INTS9: variants seen among roughly 807,000 people sequenced by gnomAD.
INTS9 encodes protein related to CPSF subunits of 74 kDa.
INTS9 carries 55 observed loss-of-function variants against 79.7 expected under a neutral mutation model. The observed-to-expected ratio is 0.69, with a 90% CI of 0.56 to 0.86. INTS9 has a LOEUF of 0.86. Ranked by LOEUF, INTS9 falls within the 40% of genes least tolerant of loss-of-function variation. INTS9 has a pLI of 0.00. For synonymous variants in INTS9, 319 were observed against 325.2 expected (o/e 0.98, Z 0.20); for missense variants, 721 against 831.5 (o/e 0.87, Z 1.64).
At chr8:28,813,435 A>C in intron 7 of INTS9, 57 bp downstream of exon 7, 1 of 1,547,466 alleles carries the variant, frequency 6.5e-7, no homozygotes, top group South Asian at 1.1e-5. Context: ...CAAACAACAA[A>C]CAACAATATG....
chr8:28,870,319 A>T (rs1407822976), intron 1 of INTS9, among the ~76,000 whole-genome samples: 1,097 of 111,870 alleles, frequency 9.8e-3, no homozygotes, highest in Admixed American at 0.012. Flanking sequence ...AACATTAACC[A>T]TTTTTTTTTT....
chr8:28,877,744 G>A (rs746868589), intron 1 of INTS9, among the ~76,000 whole-genome samples: 22 of 152,106 alleles, frequency 1.4e-4, no homozygotes, highest in Non-Finnish European at 2.6e-4. Context: ...GTATTTTTGA[G>A]ATATATTGAC....
At position 28,796,777 on chromosome 8, in the gene INTS9, A is replaced by G. The variant is rs1804242624; in HGVS notation, c.745-122T>C. 34 of 696,918 alleles carry G rather than the reference A, an allele frequency of 4.9e-5. No individual in the cohort carries two copies. The East Asian group carries it at 8.8e-4, about 18-fold the overall frequency. 43.2% of individuals were successfully genotyped at this position (696,918 alleles called of 1,614,324 possible). On this transcript the variant is annotated intron_variant, in intron 8 of 16. Transcript: ENST00000521022. ...GTTTAACCCATCATCGAGTTCTCTT[A>G]TGTTCTCTAAGGAATAGTCTGTCCT...
At chr8:28,826,942 T>C (rs1806182225) in intron 6 of INTS9, among the ~76,000 whole-genome samples, 1 of 152,212 alleles carries the variant, frequency 6.6e-6, no homozygotes, top group African/African-American at 2.4e-5. Flanking sequence ...TTTGCTGACA[T>C]CCTCTTTTAT....
intron 6 of INTS9, among the ~76,000 whole-genome samples, chr8:28,823,977 T>C (rs1428695948): frequency 6.6e-6 from 1 of 152,210 alleles, no homozygotes; most frequent in Admixed American, 6.5e-5. Flanking sequence ...CATAAACAGA[T>C]ACATGAAGAT....
intron 1 of INTS9, among the ~76,000 whole-genome samples, chr8:28,876,742 G>A (rs1809414196): frequency 6.6e-6 from 1 of 151,964 alleles, no homozygotes; most frequent in Non-Finnish European, 1.5e-5. Flanking sequence ...GAATCAACTG[G>A]AAAGGGTATT....
At chr8:28,791,021 G>C (rs76472056) in intron 10 of INTS9, among the ~76,000 whole-genome samples, 93 of 152,290 alleles carry the variant, frequency 6.1e-4, no homozygotes, top group African/African-American at 1.8e-3. Flanking sequence ...ACTAGAAATT[G>C]TGGTGTCAAT....
chr8:28,857,000 C>T (rs368822061), intron 2 of INTS9, among the ~76,000 whole-genome samples: 1 of 152,138 alleles, frequency 6.6e-6, no homozygotes, highest in East Asian at 1.9e-4. Flanking sequence ...TGTTAATTCA[C>T]CAAGAATAAT....
At chr8:28,790,446 G>C (rs1367152882) in intron 10 of INTS9, among the ~76,000 whole-genome samples, 1 of 152,152 alleles carries the variant, frequency 6.6e-6, no homozygotes, top group Admixed American at 6.5e-5. Context: ...TCTTGCCTCA[G>C]CCTCCCGAGT....
At chr8:28,775,317 G>A (rs1020409192) in intron 14 of INTS9, among the ~76,000 whole-genome samples, 1 of 152,058 alleles carries the variant, frequency 6.6e-6, no homozygotes, top group African/African-American at 2.4e-5. Flanking sequence ...CCCTCTTCCC[G>A]GTTACTTGGT....
intron 9 of INTS9, 135 bp from the exon 10 acceptor site, chr8:28,794,122 G>T: frequency 1.5e-6 from 1 of 663,320 alleles, no homozygotes; most frequent in Non-Finnish European, 2.3e-6. Flanking sequence ...CTAATAAGCT[G>T]CTTCTTTTGA....
At chr8:28,874,266 GTTTAAAAATTCATA>G (rs1223075126) in intron 1 of INTS9, among the ~76,000 whole-genome samples, 4 of 150,920 alleles carry the variant, frequency 2.7e-5, no homozygotes, top group Non-Finnish European at 4.4e-5. Context: ...GGCTCTACAT[GTTTAAAAATTCATA>G]TTTAAACTGT....
rs915367544 is a variant in INTS9, at chr8:28,780,317, AC to A, written c.1270+505del. The A allele has an allele frequency of 3.0e-5, 28 of 944,112 alleles. No homozygotes were observed. The East Asian group carries it at 2.5e-3, about 84-fold the overall frequency. The allele number at this position is 944,112 out of a possible 1,614,324, so 58.5% of individuals were successfully genotyped here. A position where few individuals can be genotyped will look rare whatever the true frequency, so the allele number is the denominator to read the frequency against. ...CCCCTATCACAGATAAGCAAAAAAG[AC>A]CTAGCATTCAAAGGGCTGGGCACGC... On this transcript the variant is annotated intron_variant, in intron 12 of 16. Transcript: ENST00000521022.
intron 16 of INTS9, 21 bp from the exon 17 acceptor site, chr8:28,768,343 G>C: frequency 1.9e-6 from 3 of 1,610,204 alleles, no homozygotes; most frequent in Non-Finnish European, 2.5e-6. Context: ...AGAAAAGAAA[G>C]AGGTGGGCTG....
intron 1 of INTS9, among the ~76,000 whole-genome samples, chr8:28,880,277 T>TCCCTCTCCCTCTCC (rs1445899086): frequency 1.1e-5 from 1 of 91,648 alleles, no homozygotes; most frequent in African/African-American, 4.3e-5. Context: ...CCTCTCCCTC[T>TCCCTCTCCCTCTCC]CTCTCCCTCC....
At chr8:28,797,506 A>G (rs2130974882) in intron 8 of INTS9, among the ~76,000 whole-genome samples, 1 of 152,282 alleles carries the variant, frequency 6.6e-6, no homozygotes, top group South Asian at 2.1e-4. Context: ...AACATCCATG[A>G]TCTTCTTGTG....
At position 28,837,705 on chromosome 8, in the gene INTS9, T is replaced by C. The variant is rs145965485; in HGVS notation, c.333A>G (p.Pro111=). 490 of 1,614,044 alleles carry C rather than the reference T, an allele frequency of 3.0e-4. No individual in the cohort carries two copies. The highest frequency in any genetic ancestry group is 6.7e-4 in the Middle Eastern group (4 of 6,004). The stretch of plus-strand genomic sequence containing the variant: ...TGAAGCCGGTGTGCTCGGTGATGTA[T>C]GGCAGCGCCATCATACAGTGATAGT... ...ISNYHCMMAL[P]YITEHTGFTG... The change falls in exon 5 of 17, where the codon CCA becomes CCG. Residue 111 remains proline, a synonymous_variant. Transcript: ENST00000521022.
chr8:28,794,682 T>C (rs1246253893), intron 9 of INTS9, among the ~76,000 whole-genome samples: 1 of 152,164 alleles, frequency 6.6e-6, no homozygotes, highest in Non-Finnish European at 1.5e-5. Flanking sequence ...AAGAATGAAT[T>C]AGATCAGTAA....
At chr8:28,788,392 A>T (rs1182822144) in intron 10 of INTS9, among the ~76,000 whole-genome samples, 1 of 152,290 alleles carries the variant, frequency 6.6e-6, no homozygotes, top group East Asian at 1.9e-4. Context: ...AGTGATCTAC[A>T]CCTTGAGACA....
Sources: gnomAD v4.1 joint callset for allele counts (sites outside exome capture counted in the v4.1 genomes callset) on GRCh38, gnomAD v4.1.1 for gene constraint, MANE v1.5 for transcripts, NCBI Gene and HGNC (gene_info 2026-07-23, HGNC 2026-07-21) for gene names.